GTF2F2: variants seen among roughly 807,000 people sequenced by gnomAD.
GTF2F2 encodes general transcription factor IIF subunit 2, also known as ATP-dependent helicase GTF2F2.
In GTF2F2, 23 loss-of-function variants were observed where a neutral mutation model predicts 42.2. The ratio of observed to expected loss-of-function variants is 0.55; its 90% CI spans 0.39 to 0.77. The LOEUF is 0.77. Among genes scored for constraint, GTF2F2 ranks in the 30% least tolerant of loss-of-function variants. The pLI, the probability that GTF2F2 is intolerant of heterozygous loss-of-function variation, is 0.00. For synonymous variants in GTF2F2, 105 were observed against 100.8 expected, an observed-to-expected ratio of 1.04 and a Z score of -0.25; for missense variants, 261 against 287.2, an observed-to-expected ratio of 0.91 and a Z score of 0.66.
intron 6 of GTF2F2, among the ~76,000 whole-genome samples, chr13:45,253,872 G>A (rs1031788892): frequency 2.6e-5 from 4 of 152,100 alleles, no homozygotes; most frequent in Admixed American, 6.5e-5. Context: ...TCAGGAGATC[G>A]AGACCATCCT....
chr13:45,272,604 A>AGTGG (rs1408446735), intron 7 of GTF2F2, among the ~76,000 whole-genome samples: 19 of 151,256 alleles, frequency 1.3e-4, no homozygotes, highest in Non-Finnish European at 2.7e-4. Flanking sequence ...ATTAGCTGGG[A>AGTGG]GTGGTGGTGC....
At chr13:45,143,799 A>T (rs1264348942) in intron 2 of GTF2F2, among the ~76,000 whole-genome samples, 5 of 152,186 alleles carry the variant, frequency 3.3e-5, no homozygotes, top group Admixed American at 1.3e-4. Context: ...AAAAAAGGAG[A>T]GTCCAGTTGT....
chr13:45,145,018 C>T (rs1870125881), intron 2 of GTF2F2, among the ~76,000 whole-genome samples: 1 of 152,102 alleles, frequency 6.6e-6, no homozygotes, highest in South Asian at 2.1e-4. Flanking sequence ...ACAGCTCAAG[C>T]ATTTTATTCA....
rs972151254 is a variant in GTF2F2, at chr13:45,169,643, C to T, written c.304+17812C>T. 2.6e-5 allele frequency among the ~76,000 whole-genome samples: 4 copies of T among 152,286 alleles called. No homozygotes were observed. In the East Asian group the frequency reaches 7.7e-4, roughly 29 times the overall value. On this transcript the variant is annotated intron_variant, in intron 4 of 7. Transcript: ENST00000340473. ...TTTGTTACTAAAATTTTAATTGAAA[C>T]ATAACCTACATTTAAGAAAACAGCA...
intron 6 of GTF2F2, among the ~76,000 whole-genome samples, chr13:45,264,860 T>C (rs562064090): frequency 1.3e-5 from 2 of 152,274 alleles, no homozygotes; most frequent in South Asian, 4.2e-4. Flanking sequence ...TTTGAAAACA[T>C]TTTTCATGTT....
chr13:45,190,218 C>T (rs1872568031), intron 4 of GTF2F2, among the ~76,000 whole-genome samples: 1 of 152,160 alleles, frequency 6.6e-6, no homozygotes, highest in Admixed American at 6.5e-5. Flanking sequence ...CAAAAGAAGA[C>T]ATTTATGCAG....
At chr13:45,196,720 A>G (rs1593485132) in intron 4 of GTF2F2, among the ~76,000 whole-genome samples, 1 of 152,322 alleles carries the variant, frequency 6.6e-6, no homozygotes, top group East Asian at 1.9e-4. Context: ...GATAGATACT[A>G]TGTACTCTGG....
At chr13:45,122,244 G>A (rs1010512054) in intron 1 of GTF2F2, among the ~76,000 whole-genome samples, 4 of 152,058 alleles carry the variant, frequency 2.6e-5, no homozygotes, top group African/African-American at 9.7e-5. Flanking sequence ...TTTGAGTGAG[G>A]TAGAGATGCC....
At chr13:45,165,806 C>CTTTTTT (rs5803286) in intron 4 of GTF2F2, among the ~76,000 whole-genome samples, 42 of 88,894 alleles carry the variant, frequency 4.7e-4, no homozygotes, top group Non-Finnish European at 6.6e-4. Flanking sequence ...TCAGTACATT[C>CTTTTTT]TTTTTTTTTT....
chr13:45,184,607 G>A (rs1192213218), intron 4 of GTF2F2, among the ~76,000 whole-genome samples: 1 of 151,922 alleles, frequency 6.6e-6, no homozygotes, highest in Admixed American at 6.6e-5. Context: ...ACTGCCTTGA[G>A]CCAAAACACC....
intron 5 of GTF2F2, among the ~76,000 whole-genome samples, chr13:45,235,414 A>G (rs1223926573): frequency 6.6e-6 from 1 of 152,022 alleles, no homozygotes; most frequent in Non-Finnish European, 1.5e-5. Flanking sequence ...TCATTTTGGC[A>G]CAGGATAGGC....
chr13:45,245,480 A>G (rs1409001127), intron 5 of GTF2F2, among the ~76,000 whole-genome samples: 1 of 151,830 alleles, frequency 6.6e-6, no homozygotes, highest in African/African-American at 2.4e-5. Context: ...CCACATCCCC[A>G]AAAGTCATTG....
chr13:45,196,964 C>T (rs1469224078), intron 4 of GTF2F2, among the ~76,000 whole-genome samples: 1 of 151,964 alleles, frequency 6.6e-6, no homozygotes, highest in South Asian at 2.1e-4. Context: ...GATGAGTGCT[C>T]GTTTCTGCAG....
intron 5 of GTF2F2, among the ~76,000 whole-genome samples, chr13:45,245,307 A>T (rs12876130): frequency 4.7e-5 from 7 of 150,518 alleles, no homozygotes; most frequent in African/African-American, 9.8e-5. Context: ...TTTTTTTTTT[A>T]ATTTTTAGTA....
intron 5 of GTF2F2, among the ~76,000 whole-genome samples, chr13:45,214,569 C>T (rs2138198128): frequency 6.6e-6 from 1 of 152,276 alleles, no homozygotes; most frequent in Non-Finnish European, 1.5e-5. Flanking sequence ...AAGTGTTCTA[C>T]TACTTCTCTT....
rs551262876 is a variant in GTF2F2 at position 45,281,474 on chromosome 13, C to T, written c.631-1968C>T. 2.3e-4 allele frequency among the ~76,000 whole-genome samples: 35 copies of T among 152,286 alleles called. No individual in the cohort carries two copies. The South Asian group carries it at 3.1e-3, about 14-fold the overall frequency. On this transcript the variant is annotated intron_variant, in intron 7 of 7. Transcript: ENST00000340473. ...TACAGCAAACATGAGGCTCAGAGAA[C>T]GAAGCAACACACTAAGGACTCAAAG...
At chr13:45,280,327 T>C (rs561739526) in intron 7 of GTF2F2, among the ~76,000 whole-genome samples, 73 of 152,350 alleles carry the variant, frequency 4.8e-4, no homozygotes, top group African/African-American at 1.8e-3. Context: ...AGGAAGGACA[T>C]GTGCTCTTTC....
chr13:45,204,870 A>C (rs2138186718), intron 4 of GTF2F2, among the ~76,000 whole-genome samples: 1 of 152,334 alleles, frequency 6.6e-6, no homozygotes, highest in East Asian at 1.9e-4. Context: ...AAGATATGAT[A>C]GAAAATTATG....
At chr13:45,138,715 A>G (rs532074912) in intron 2 of GTF2F2, among the ~76,000 whole-genome samples, 1 of 152,324 alleles carries the variant, frequency 6.6e-6, no homozygotes, top group Non-Finnish European at 1.5e-5. Flanking sequence ...GCGTGATCTC[A>G]GCTCACTGTA....
Sources: gnomAD v4.1 joint callset for allele counts (sites outside exome capture counted in the v4.1 genomes callset) on GRCh38, gnomAD v4.1.1 for gene constraint, MANE v1.5 for transcripts, NCBI Gene and HGNC (gene_info 2026-07-23, HGNC 2026-07-21) for gene names.